Variants in TWSG1 observed in about 807,000 individuals in gnomAD.
The protein encoded by TWSG1 is twisted gastrulation BMP signaling modulator 1.
In TWSG1, 15 loss-of-function variants were observed where a neutral mutation model predicts 23.0. The observed-to-expected ratio is 0.65, with a 90% CI of 0.44 to 1.00. The LOEUF (loss-of-function observed/expected upper bound fraction) is 1.00. TWSG1 is among the 50% of genes least tolerant of loss of function. TWSG1 has a pLI of 0.00. For missense variants in TWSG1, 242 were observed against 278.7 expected (o/e 0.87, Z 0.94); for synonymous variants, 86 against 92.8 (o/e 0.93, Z 0.42).
intron 3 of TWSG1, among the ~76,000 whole-genome samples, chr18:9,391,420 A>G (rs929057906): frequency 1.3e-5 from 2 of 152,230 alleles, no homozygotes; most frequent in Admixed American, 1.3e-4. Context: ...TCCTAATGGC[A>G]TCTAGAATAG....
At chr18:9,339,606 C>A (rs1026130154) in intron 2 of TWSG1, among the ~76,000 whole-genome samples, 18 of 152,046 alleles carry the variant, frequency 1.2e-4, no homozygotes, top group African/African-American at 3.9e-4. Flanking sequence ...AGGTGTGAGT[C>A]ACCGTGCCTG....
At chr18:9,396,165 AAAAAG>A (rs2040734419) in intron 3 of TWSG1, 110 bp from the exon 4 acceptor site, 17 of 874,388 alleles carry the variant, frequency 1.9e-5, no homozygotes, top group Middle Eastern at 3.0e-4. Flanking sequence ...AAAAAAAAAA[AAAAAG>A]GTAGGAAAAT....
At chr18:9,341,856 A>G (rs1350707730) in intron 2 of TWSG1, among the ~76,000 whole-genome samples, 2 of 151,882 alleles carry the variant, frequency 1.3e-5, no homozygotes, top group Admixed American at 6.6e-5. Flanking sequence ...AGTTTTAAGA[A>G]CAGTGCATTT....
intron 2 of TWSG1, among the ~76,000 whole-genome samples, chr18:9,351,153 T>C (rs988122762): frequency 6.6e-6 from 1 of 152,078 alleles, no homozygotes; most frequent in Non-Finnish European, 1.5e-5. Flanking sequence ...CTTTTGTAAT[T>C]GTTCAAACAT....
intron 3 of TWSG1, among the ~76,000 whole-genome samples, chr18:9,364,719 A>G (rs1218726215): frequency 6.6e-6 from 1 of 151,856 alleles, no homozygotes; most frequent in Non-Finnish European, 1.5e-5. Context: ...ACTTGAACCC[A>G]GAAGGCAGAA....
intron 3 of TWSG1, among the ~76,000 whole-genome samples, chr18:9,386,855 G>A (rs1464603247): frequency 6.6e-6 from 1 of 152,170 alleles, no homozygotes; most frequent in African/African-American, 2.4e-5. Flanking sequence ...GTATCACTGG[G>A]CCAATGACTT....
chr18:9,392,760 A>G (rs1465536161), intron 3 of TWSG1, among the ~76,000 whole-genome samples: 1 of 152,160 alleles, frequency 6.6e-6, no homozygotes, highest in Non-Finnish European at 1.5e-5. Context: ...ACTGTGAAAG[A>G]GAGCAGACAG....
intron 3 of TWSG1, among the ~76,000 whole-genome samples, chr18:9,368,707 G>A (rs1387550711): frequency 6.6e-6 from 1 of 152,150 alleles, no homozygotes; most frequent in Non-Finnish European, 1.5e-5. Context: ...CAGCACTTTG[G>A]GAGGCCAAGG....
chr18:9,374,863 C>T (rs78678009), intron 3 of TWSG1, among the ~76,000 whole-genome samples: 11,390 of 152,210 alleles, frequency 0.075, 526 homozygotes, highest in Admixed American at 0.096. Context: ...GTTCAACATT[C>T]AAAAATCAAG....
chr18:9,351,531 C>T (rs1289688770), intron 2 of TWSG1, among the ~76,000 whole-genome samples: 3 of 151,402 alleles, frequency 2.0e-5, no homozygotes, highest in Admixed American at 6.6e-5. Context: ...CTGTCTTCTG[C>T]ATTGCTTTAA....
At chr18:9,356,737 T>C (rs2040528625) in intron 2 of TWSG1, among the ~76,000 whole-genome samples, 1 of 152,108 alleles carries the variant, frequency 6.6e-6, no homozygotes, top group Admixed American at 6.5e-5. Flanking sequence ...GAAATGCTCA[T>C]TGAAAGAGTT....
At chr18:9,387,946 G>A (rs2040693536) in intron 3 of TWSG1, 1 of 152,136 alleles carries the variant, frequency 6.6e-6, no homozygotes, top group African/African-American at 2.4e-5. Flanking sequence ...TTCATGATCA[G>A]GTTTCTCCAG....
At chr18:9,373,172 T>C (rs1055068752) in intron 3 of TWSG1, among the ~76,000 whole-genome samples, 2 of 152,160 alleles carry the variant, frequency 1.3e-5, no homozygotes, top group African/African-American at 2.4e-5. Flanking sequence ...GGACATTACA[T>C]AGTGATAAAG....
chr18:9,365,198 A>G (rs145712486), intron 3 of TWSG1, among the ~76,000 whole-genome samples: 12 of 152,172 alleles, frequency 7.9e-5, no homozygotes, highest in East Asian at 1.9e-4. Context: ...TGGCATGCAC[A>G]TATGGTCCCA....
rs9963504 is a variant in TWSG1, at chr18:9,399,832, C to T, written c.*305C>T. 210,515 of 212,242 alleles carry T rather than the reference C, an allele frequency of 0.99. 104,438 individuals carry two copies. The highest frequency in any genetic ancestry group is 1 in the Middle Eastern group (594 of 594). 13.1% of individuals were successfully genotyped at this position (212,242 alleles called of 1,614,324 possible). ...CTGAGGTTTTTAACATGAAGTCTGACGTGGTTTTCCTCTAGCATTCCAAAA... is the reference window on the plus strand; with the variant it reads ...CTGAGGTTTTTAACATGAAGTCTGATGTGGTTTTCCTCTAGCATTCCAAAA... On this transcript the variant is annotated 3_prime_UTR_variant, in exon 5 of 5. Transcript: ENST00000262120.
intron 3 of TWSG1, among the ~76,000 whole-genome samples, chr18:9,377,966 G>A (rs551967640): frequency 5.3e-5 from 8 of 152,312 alleles, no homozygotes; most frequent in South Asian, 2.1e-4. Flanking sequence ...TGATCCACCC[G>A]CCTCGGCCTC....
intron 3 of TWSG1, chr18:9,388,348 T>C (rs2040695338): frequency 6.6e-6 from 1 of 152,268 alleles, no homozygotes; most frequent in South Asian, 2.1e-4. Flanking sequence ...CCTTTGACAA[T>C]ATGACATTGA....
chr18:9,368,777 G>A lies in TWSG1; in HGVS notation c.223+8706G>A, dbSNP rs139380269. ...AGCCTGGTGAACATGGTGAAACTCC[G>A]TCTCTACTAAAAATACAAAAATTAG... On this transcript the variant is annotated intron_variant, in intron 3 of 4. Transcript: ENST00000262120. Among the ~76,000 whole-genome samples the A allele has an allele frequency of 5.1e-3, 769 of 152,116 alleles. 6 individuals are homozygous for A. The highest frequency in any genetic ancestry group is 0.017 in the African/African-American group (725 of 41,522).
At chr18:9,338,581 A>G (rs941346880) in intron 2 of TWSG1, among the ~76,000 whole-genome samples, 2 of 152,238 alleles carry the variant, frequency 1.3e-5, no homozygotes, top group African/African-American at 4.8e-5. Context: ...CAACATAGCT[A>G]TTAGACCAAT....
Sources: allele counts gnomAD v4.1 joint callset (sites outside exome capture counted in the v4.1 genomes callset), GRCh38; gene constraint gnomAD v4.1.1; transcripts MANE v1.5; gene names NCBI Gene and HGNC (gene_info 2026-07-23, HGNC 2026-07-21).